DPP6: variants seen among roughly 807,000 people sequenced by gnomAD.
DPP6 encodes the protein dipeptidyl peptidase like 6.
Under a neutral mutation model 122.6 loss-of-function variants are expected in DPP6, and 69 were observed. The ratio of observed to expected loss-of-function variants is 0.56; its 90% CI spans 0.46 to 0.69. DPP6 has a LOEUF of 0.69. Ranked by LOEUF, DPP6 falls within the 30% of genes least tolerant of loss-of-function variation. The pLI is 0.00. For missense variants in DPP6, 928 were observed against 1,116.9 expected, an observed-to-expected ratio of 0.83 and a Z score of 2.41; for synonymous variants, 418 against 433.1, an observed-to-expected ratio of 0.97 and a Z score of 0.43.
chr7:154,617,138 C>A (rs1429006509), intron 5 of DPP6, among the ~76,000 whole-genome samples: 1 of 152,150 alleles, frequency 6.6e-6, no homozygotes, highest in Non-Finnish European at 1.5e-5. Context: ...CATATACTTA[C>A]CAAGCCTTGG....
At chr7:154,151,668 C>T (rs569064216) in intron 1 of DPP6, among the ~76,000 whole-genome samples, 3 of 152,160 alleles carry the variant, frequency 2.0e-5, no homozygotes, top group Admixed American at 6.5e-5. Flanking sequence ...AAGTACAGTG[C>T]GTGCGTGCAC....
the DPP6 span, among the ~76,000 whole-genome samples, chr7:153,784,262 G>A: frequency 2.4e-4 from 36 of 151,726 alleles, no homozygotes; most frequent in Non-Finnish European, 3.7e-4. Flanking sequence ...ACCCTAATTC[G>A]TCAATCTGAA....
the DPP6 span, among the ~76,000 whole-genome samples, chr7:153,872,661 A>G: frequency 1.1e-4 from 17 of 152,312 alleles, no homozygotes; most frequent in African/African-American, 4.1e-4. Context: ...ATGAGCGACA[A>G]GGTGCTATCA....
rs1265608057 is a variant in DPP6, at chr7:154,175,626, A to G, written c.243+122563A>G. Among the ~76,000 whole-genome samples, 5 of 152,058 alleles carry G rather than the reference A, an allele frequency of 3.3e-5. No individual in the cohort carries two copies. The East Asian group carries it at 9.7e-4, about 29-fold the overall frequency. ...TGCCTTAAGATGCTCAGCTTGCAGC[A>G]ATTTGTTTTGGCCGCAACAGAGCAC... is the stretch of plus-strand genomic sequence containing the variant. On this transcript the variant is annotated intron_variant, in intron 1 of 25. Coordinates refer to ENST00000377770, the MANE Select transcript of DPP6 (RefSeq NM_130797.4).
chr7:154,691,133 A>G (rs1435523976), intron 7 of DPP6, among the ~76,000 whole-genome samples: 1 of 152,194 alleles, frequency 6.6e-6, no homozygotes, highest in Non-Finnish European at 1.5e-5. Flanking sequence ...ATGTACGGGG[A>G]AGGCTTCCAT....
chr7:154,003,059 T>C (rs1797756269), intron 1 of DPP6, among the ~76,000 whole-genome samples: 1 of 152,188 alleles, frequency 6.6e-6, no homozygotes, highest in African/African-American at 2.4e-5. Context: ...AAGTGTGATT[T>C]CTTAAACAGG....
rs537887928 is a variant in DPP6 at position 154,196,933 on chromosome 7, T to A, written c.243+143870T>A. Among the ~76,000 whole-genome samples the A allele has an allele frequency of 7.9e-5, 12 of 152,172 alleles. No individual in the cohort carries two copies. The South Asian group carries it at 2.3e-3, about 29-fold the overall frequency. ...CGTATGTGTTCCTACCTCCATGACT[T>A]TGCACCCTGAAATGCTCTCAGATTC... On this transcript the variant is annotated intron_variant, in intron 1 of 25. Coordinates refer to ENST00000377770, the MANE Select transcript of DPP6 (RefSeq NM_130797.4).
chr7:153,787,410 A>G, the DPP6 span, among the ~76,000 whole-genome samples: 1 of 146,262 alleles, frequency 6.8e-6, no homozygotes, highest in Non-Finnish European at 1.5e-5. Context: ...TTGTACCTGC[A>G]ATGTGGTTAA....
chr7:153,914,311 G>A (rs1364805133), intron 1 of DPP6, among the ~76,000 whole-genome samples: 1 of 152,108 alleles, frequency 6.6e-6, no homozygotes, highest in Non-Finnish European at 1.5e-5. Flanking sequence ...CTCTTTTTCT[G>A]TATAATTACC....
At chr7:153,987,941 C>G (rs979077791) in intron 1 of DPP6, among the ~76,000 whole-genome samples, 2 of 152,068 alleles carry the variant, frequency 1.3e-5, no homozygotes, top group African/African-American at 4.8e-5. Context: ...AATTGGTCAG[C>G]TTGGAGGAGG....
At chr7:153,897,814 T>C (rs1254029479) in intron 1 of DPP6, among the ~76,000 whole-genome samples, 3 of 152,236 alleles carry the variant, frequency 2.0e-5, no homozygotes, top group African/African-American at 7.2e-5. Flanking sequence ...CCACAGTGGC[T>C]GTACTAATTT....
At chr7:154,366,543 A>G (rs746905635) in intron 1 of DPP6, among the ~76,000 whole-genome samples, 11 of 152,242 alleles carry the variant, frequency 7.2e-5, no homozygotes, top group Non-Finnish European at 1.5e-4. Context: ...TTGCAACTGC[A>G]GAGATTCTGA....
intron 1 of DPP6, among the ~76,000 whole-genome samples, chr7:154,406,043 A>C (rs1816057951): frequency 6.6e-6 from 1 of 152,228 alleles, no homozygotes; most frequent in Non-Finnish European, 1.5e-5. Context: ...AGAAATAAAT[A>C]TAAATAAATC....
intron 1 of DPP6, among the ~76,000 whole-genome samples, chr7:153,925,526 G>C (rs773704920): frequency 6.6e-6 from 1 of 151,892 alleles, no homozygotes. Flanking sequence ...ATCCTGCATG[G>C]TGGAGGGTCC....
intron 4 of DPP6, among the ~76,000 whole-genome samples, chr7:154,545,484 C>T (rs901164322): frequency 3.6e-5 from 5 of 137,844 alleles, no homozygotes; most frequent in Non-Finnish European, 8.1e-5. Flanking sequence ...TCCTTCCTTC[C>T]TTCCTTCCTT....
intron 1 of DPP6, among the ~76,000 whole-genome samples, chr7:154,327,247 G>C (rs1808523759): frequency 6.6e-6 from 1 of 152,162 alleles, no homozygotes; most frequent in Non-Finnish European, 1.5e-5. Context: ...AGAATTATTA[G>C]GGTAAAAAGC....
At chr7:154,573,140 T>C (rs1408074140) in intron 5 of DPP6, among the ~76,000 whole-genome samples, 1 of 152,198 alleles carries the variant, frequency 6.6e-6, no homozygotes, top group Non-Finnish European at 1.5e-5. Flanking sequence ...GCTCTTGGAC[T>C]GGTTCTTTCT....
At chr7:154,284,602 C>T (rs1804732579) in intron 1 of DPP6, among the ~76,000 whole-genome samples, 2 of 152,342 alleles carry the variant, frequency 1.3e-5, no homozygotes, top group East Asian at 3.9e-4. Context: ...CGCCCGTAAT[C>T]CCAGCACTTT....
chr7:153,924,651 C>T (rs1398173611), intron 1 of DPP6, among the ~76,000 whole-genome samples: 1 of 152,178 alleles, frequency 6.6e-6, no homozygotes, highest in Non-Finnish European at 1.5e-5. Context: ...AGGAGAACAA[C>T]TGTGGTCGTG....
Sources: allele counts gnomAD v4.1 joint callset (sites outside exome capture counted in the v4.1 genomes callset), GRCh38; gene constraint gnomAD v4.1.1; transcripts MANE v1.5; gene names NCBI Gene and HGNC (gene_info 2026-07-23, HGNC 2026-07-21).